Variants in TUT1 observed in about 807,000 individuals in gnomAD.
TUT1 encodes the protein terminal uridylyl transferase 1, U6 snRNA-specific.
Under a neutral mutation model 48.8 loss-of-function variants are expected in TUT1, and 26 were observed. The observed-to-expected ratio is 0.53, with a 90% CI of 0.39 to 0.74. The LOEUF (loss-of-function observed/expected upper bound fraction) is 0.74. Among genes scored for constraint, TUT1 ranks in the 30% least tolerant of loss-of-function variants. The probability of loss-of-function intolerance (pLI) is 0.00; values close to 1 mark genes in which losing one functional copy is unlikely to be tolerated. For missense variants in TUT1, 1,065 were observed against 1,114.8 expected (o/e 0.96, Z 0.64); for synonymous variants, 470 against 460.8 (o/e 1.02, Z -0.26).
At chr11:62,584,625 G>A (rs1941880009) in intron 2 of TUT1, among the ~76,000 whole-genome samples, 1 of 149,026 alleles carries the variant, frequency 6.7e-6, no homozygotes, top group Non-Finnish European at 1.5e-5. Context: ...TGTATTTTTA[G>A]TAGAGATGGG....
Position 62,578,792 on chromosome 11 carries a change from G to A in TUT1, c.929C>T (p.Pro310Leu), listed in dbSNP as rs757157995. The A allele has an allele frequency of 6.8e-6, 11 of 1,614,010 alleles. No homozygotes were observed. In the African/African-American group the frequency reaches 8.0e-5, roughly 12 times the overall value. Residue 310 changes from proline (P) to leucine (L), a missense_variant, in exon 5 of 9, where the codon CCA becomes CTA. By Grantham distance (98) the Pro-to-Leu change is moderately conservative. Coordinates refer to ENST00000476907, the MANE Select transcript of TUT1 (RefSeq NM_022830.3). ...ASPQSLPPASPLLEDREEGDL... is the reference protein window; with the variant it reads ...ASPQSLPPASLLLEDREEGDL... Reference sequence around the variant, plus strand: ...CCCCTCTTCCCTGTCCTCTAGCAGTGGTGAAGCTGGAGGCAGAGACTGGGG... The same window carrying A: ...CCCCTCTTCCCTGTCCTCTAGCAGTAGTGAAGCTGGAGGCAGAGACTGGGG...
intron 4 of TUT1, among the ~76,000 whole-genome samples, chr11:62,580,069 G>T (rs1299849729): frequency 2.6e-5 from 4 of 152,174 alleles, no homozygotes; most frequent in African/African-American, 9.7e-5. Flanking sequence ...GAGCCCAGGA[G>T]TTCGAGACCA....
rs1444744539 is a variant in TUT1, at chr11:62,576,164, C to G, written c.1555G>C (p.Ala519Pro). ...GGCAGGCCCCCTGCCACAGGCAGTG[C>G]CTGACCCTCCCGCAGGGACAGCAGG... is the stretch of plus-strand genomic sequence containing the variant. ...GSLLSLREGQ[A>P]LPVAGGLPSN... The change falls in exon 9 of 9, where the codon GCA becomes CCA. Residue 519 changes from alanine (A) to proline (P), a missense_variant. Ala to Pro is a conservative substitution (Grantham distance 27, BLOSUM62 -1). Transcript: ENST00000476907. The G allele has an allele frequency of 1.5e-5, 24 of 1,613,728 alleles. No homozygotes were observed. The highest frequency in any genetic ancestry group is 2.2e-5 in the East Asian group (1 of 44,876).
Position 62,582,672 on chromosome 11 carries a change from T to G in TUT1, c.274-971A>C, listed in dbSNP as rs999887893. The G allele has an allele frequency of 1.4e-4, 61 of 433,168 alleles. No homozygotes were observed. In the Admixed American group the frequency reaches 1.5e-3, roughly 10 times the overall value. 26.8% of individuals were successfully genotyped at this position (433,168 alleles called of 1,614,324 possible). A position where few individuals can be genotyped will look rare whatever the true frequency, so the allele number is the denominator to read the frequency against. ...TTTTACTCTCACCCCAGTCTGCCTC[T>G]AAAAACCTCATTTTATCTACATTAT... is the stretch of plus-strand genomic sequence containing the variant. On this transcript the variant is annotated intron_variant, in intron 2 of 8. Coordinates refer to ENST00000476907, the MANE Select transcript of TUT1 (RefSeq NM_022830.3).
intron 5 of TUT1, among the ~76,000 whole-genome samples, chr11:62,577,684 G>A (rs557103991): frequency 3.7e-4 from 56 of 152,204 alleles, no homozygotes; most frequent in Middle Eastern, 3.4e-3. Context: ...GGCAAGGGGC[G>A]AAGGGAGGAA....
intron 2 of TUT1, among the ~76,000 whole-genome samples, chr11:62,586,044 GT>G (rs765314873): frequency 7.2e-5 from 11 of 152,214 alleles, no homozygotes; most frequent in Admixed American, 2.6e-4. Flanking sequence ...AGAGTTTGCG[GT>G]GAGCTGAGAT....
rs1459243654 is a variant in TUT1 at position 62,575,743 on chromosome 11, T to C, written c.1976A>G (p.Lys659Arg). Reference sequence around the variant, plus strand: ...TTTCTGTCCATCTACTTTGAGTCTTTTGCTTGTCCCTCCCTGAGAGGACTC... The same window carrying C: ...TTTCTGTCCATCTACTTTGAGTCTTCTGCTTGTCCCTCCCTGAGAGGACTC... ...TGESSQGGTS[K>R]RLKVDGQKNC... Residue 659 changes from lysine to arginine, a missense_variant, in exon 9 of 9, where the codon AAA becomes AGA. Lys to Arg is a conservative substitution (Grantham distance 26). Coordinates refer to ENST00000476907, the MANE Select transcript of TUT1 (RefSeq NM_022830.3). 13 of 1,614,186 alleles carry C rather than the reference T, an allele frequency of 8.1e-6. No homozygotes were observed. Among genetic ancestry groups the C allele is most frequent in the Non-Finnish European group, 1.1e-5 (13 of 1,180,024 alleles).
In TUT1 at chr11:62,575,077, C is replaced by T. The variant is rs1239252274; in HGVS notation, c.*17G>A. The stretch of plus-strand genomic sequence containing the variant: ...TTAATAAACTAGCAGCTTTATTGCC[C>T]TTCAGGGGCCATGTCTTCACTTGAG... On this transcript the variant is annotated 3_prime_UTR_variant, in exon 9 of 9. Coordinates refer to ENST00000476907, the MANE Select transcript of TUT1 (RefSeq NM_022830.3). The T allele has an allele frequency of 6.4e-7, 1 of 1,551,938 alleles. No individual in the cohort carries two copies. The highest frequency in any genetic ancestry group is 8.7e-7 in the Non-Finnish European group (1 of 1,149,332).
At chr11:62,579,085 C>A (rs1941782401) in intron 4 of TUT1, 55 bp from the exon 5 acceptor site, 1 of 1,316,612 alleles carries the variant, frequency 7.6e-7, no homozygotes, top group South Asian at 1.8e-5. Flanking sequence ...AAGCAGGGAT[C>A]TCTCAAGATA....
intron 2 of TUT1, 51 bp from the exon 3 acceptor site, chr11:62,581,752 C>CGACCA: frequency 7.6e-7 from 1 of 1,307,774 alleles, no homozygotes; most frequent in Admixed American, 3.8e-5. Context: ...AGAATCTAAG[C>CGACCA]ACGAGATCTA....
intron 1 of TUT1, 87 bp from the exon 2 acceptor site, chr11:62,589,308 C>T: frequency 1.6e-6 from 2 of 1,277,780 alleles, no homozygotes; most frequent in South Asian, 2.9e-5. Context: ...TCTTACTGAT[C>T]CTTCCAAGCC....
In TUT1 at chr11:62,576,175, C is replaced by T. The variant is rs1941724367; in HGVS notation, c.1544G>A (p.Arg515Gln). The change falls in exon 9 of 9, where the codon CGG becomes CAG. Residue 515 changes from arginine (R) to glutamine (Q), a missense_variant. Coordinates refer to ENST00000476907, the MANE Select transcript of TUT1 (RefSeq NM_022830.3). The stretch of plus-strand genomic sequence containing the variant: ...TGCCACAGGCAGTGCCTGACCCTCC[C>T]GCAGGGACAGCAGGGAGCCACGAAG... ...WDLRGSLLSLREGQALPVAGG... is the reference protein window; with the variant it reads ...WDLRGSLLSLQEGQALPVAGG... 3.1e-6 allele frequency: 5 copies of T among 1,612,846 alleles called. No individual in the cohort carries two copies. The highest frequency in any genetic ancestry group is 1.7e-5 in the Admixed American group (1 of 59,790).
chr11:62,578,352 C>T (rs562259715), intron 5 of TUT1, among the ~76,000 whole-genome samples: 1 of 152,034 alleles, frequency 6.6e-6, no homozygotes, highest in Non-Finnish European at 1.5e-5. Flanking sequence ...TCAAGACCAG[C>T]CTGACCAACA....
intron 1 of TUT1, 40 bp downstream of exon 1, chr11:62,591,364 C>A: frequency 6.6e-7 from 1 of 1,504,386 alleles, no homozygotes; most frequent in Admixed American, 2.3e-5. Context: ...AAGACGAAAG[C>A]CCGCAACCAC....
chr11:62,591,368 C>T (rs1942011042), intron 1 of TUT1, 36 bp downstream of exon 1: 1 of 1,507,436 alleles, frequency 6.6e-7, no homozygotes, highest in South Asian at 1.3e-5. Context: ...CGAAAGCCCG[C>T]AACCACCCCC....
chr11:62,590,896 C>T (rs1942000186), intron 1 of TUT1, among the ~76,000 whole-genome samples: 1 of 151,956 alleles, frequency 6.6e-6, no homozygotes, highest in Admixed American at 6.5e-5. Context: ...CCAAACCCAT[C>T]TTCTGTCTCT....
chr11:62,589,158 G>A lies in TUT1; in HGVS notation c.146C>T (p.Ala49Val), dbSNP rs148166602. The A allele has an allele frequency of 1.0e-4, 163 of 1,614,212 alleles. No individual in the cohort carries two copies. In the African/African-American group the frequency reaches 1.7e-3, roughly 17 times the overall value. Reference protein sequence around the residue: ...KHRHLVELRAARKAQGLRSVF... With the variant: ...KHRHLVELRAVRKAQGLRSVF... ...ACTTCGAAGTCCCTGGGCCTTTCTC[G>A]CAGCTCGTAGTTCTACCAGGTGCCG... Residue 49 changes from alanine to valine, a missense_variant, in exon 2 of 9, where the codon GCG becomes GTG. Ala to Val is a moderately conservative substitution (Grantham distance 64, BLOSUM62 0). Coordinates refer to ENST00000476907, the MANE Select transcript of TUT1 (RefSeq NM_022830.3).
In TUT1 at chr11:62,578,766, C is replaced by A. The variant is rs1378795966; in HGVS notation, c.955G>T (p.Asp319Tyr). The A allele has an allele frequency of 1.9e-6, 3 of 1,614,186 alleles. No homozygotes were observed. Among genetic ancestry groups the A allele is most frequent in the African/African-American group, 2.7e-5 (2 of 75,034 alleles). The change falls in exon 5 of 9, where the codon GAC becomes TAC. Residue 319 changes from aspartate to tyrosine, a missense_variant. Transcript: ENST00000476907. ...SPLLEDREEG[D>Y]LGKASELAET... ...GCTAGTTCCGAGGCCTTCCCCAGGTCCCCCTCTTCCCTGTCCTCTAGCAGT... is the reference window on the plus strand; with the variant it reads ...GCTAGTTCCGAGGCCTTCCCCAGGTACCCCTCTTCCCTGTCCTCTAGCAGT...
chr11:62,589,983 CT>C (rs1941983705), intron 1 of TUT1, among the ~76,000 whole-genome samples: 1 of 152,212 alleles, frequency 6.6e-6, no homozygotes, highest in Non-Finnish European at 1.5e-5. Context: ...AGATATATCA[CT>C]TGGCAGAGAG....
Sources: allele counts gnomAD v4.1 joint callset (sites outside exome capture counted in the v4.1 genomes callset), GRCh38; gene constraint gnomAD v4.1.1; transcripts MANE v1.5; gene names NCBI Gene and HGNC (gene_info 2026-07-23, HGNC 2026-07-21).